Variants in DSE observed in about 807,000 individuals in gnomAD.
DSE encodes dermatan sulfate epimerase.
A neutral mutation model predicts 84.4 loss-of-function variants in DSE; 36 were observed. That is an observed-to-expected ratio of 0.43 (90% CI 0.33 to 0.56). The LOEUF is 0.56. DSE is among the 20% of genes least tolerant of loss of function. DSE has a pLI of 0.06. For synonymous variants in DSE, 410 were observed against 430.1 expected, an observed-to-expected ratio of 0.95 and a Z score of 0.58; for missense variants, 862 against 1,169.6, an observed-to-expected ratio of 0.74 and a Z score of 3.84.
chr6:116,410,444 A>T (rs904903714), intron 2 of DSE, among the ~76,000 whole-genome samples: 2 of 152,118 alleles, frequency 1.3e-5, no homozygotes, highest in Admixed American at 6.6e-5. Flanking sequence ...CTTCAAAAAA[A>T]ATCTACAGGC....
chr6:116,281,619 C>T (rs1346328354), intron 2 of DSE, among the ~76,000 whole-genome samples: 1 of 152,206 alleles, frequency 6.6e-6, no homozygotes, highest in African/African-American at 2.4e-5. Flanking sequence ...AAAGCCTAAA[C>T]ATACCACAAA....
chr6:116,296,044 T>A (rs1356913059), intron 2 of DSE, among the ~76,000 whole-genome samples: 1 of 152,190 alleles, frequency 6.6e-6, no homozygotes, highest in East Asian at 1.9e-4. Context: ...CACTAAAATG[T>A]GCCTGGTGAC....
At chr6:116,348,772 A>G (rs1185745660) in intron 2 of DSE, among the ~76,000 whole-genome samples, 1 of 152,236 alleles carries the variant, frequency 6.6e-6, no homozygotes, top group East Asian at 1.9e-4. Flanking sequence ...TGGCACATAT[A>G]CACCATGGAA....
intron 2 of DSE, among the ~76,000 whole-genome samples, chr6:116,272,472 G>C (rs1772923032): frequency 6.6e-6 from 1 of 152,102 alleles, no homozygotes; most frequent in African/African-American, 2.4e-5. Context: ...CTCTTTTGTT[G>C]AATTCAGGTT....
intron 2 of DSE, chr6:116,401,272 G>T (rs1452516680): frequency 6.6e-6 from 1 of 152,068 alleles, no homozygotes; most frequent in Non-Finnish European, 1.5e-5. Flanking sequence ...TAACTTGAAA[G>T]AAATATTATA....
At chr6:116,374,217 T>G (rs1779784051) in intron 1 of DSE, among the ~76,000 whole-genome samples, 1 of 152,216 alleles carries the variant, frequency 6.6e-6, no homozygotes, top group Non-Finnish European at 1.5e-5. Flanking sequence ...TAGCATATAT[T>G]AAATATTACA....
rs377277772 is a variant in DSE, at chr6:116,342,964, A to G, written c.-53-56234A>G. Among the ~76,000 whole-genome samples, 11 of 152,246 alleles carry G rather than the reference A, an allele frequency of 7.2e-5. No individual in the cohort carries two copies. The South Asian group carries it at 1.0e-3, about 14-fold the overall frequency. ...TCCACCCTAATACTGCGCTTTTCCA[A>G]TGGTCTTAGCAAATGGCACTCCTGG... On this transcript the variant is annotated intron_variant, in intron 2 of 3. Coordinates refer to the DSE transcript ENST00000430252.
At chr6:116,270,474 T>C (rs1772831861) in intron 2 of DSE, among the ~76,000 whole-genome samples, 1 of 152,172 alleles carries the variant, frequency 6.6e-6, no homozygotes, top group Non-Finnish European at 1.5e-5. Flanking sequence ...TATACATTAT[T>C]TATTTACTAG....
At chr6:116,355,703 C>A (rs1170375463) in intron 2 of DSE, 1 of 152,130 alleles carries the variant, frequency 6.6e-6, no homozygotes, top group East Asian at 1.9e-4. Context: ...AGAATCAGTC[C>A]TAGGAAGATT....
intron 2 of DSE, among the ~76,000 whole-genome samples, chr6:116,303,107 T>C (rs1775136270): frequency 6.6e-6 from 1 of 152,218 alleles, no homozygotes; most frequent in Non-Finnish European, 1.5e-5. Context: ...GTTACATCTT[T>C]CTTTTCTGCC....
intron 2 of DSE, among the ~76,000 whole-genome samples, chr6:116,314,663 GT>G (rs1420032356): frequency 6.6e-6 from 1 of 152,078 alleles, no homozygotes; most frequent in Non-Finnish European, 1.5e-5. Flanking sequence ...ATCAGATAGT[GT>G]TATTTTGAGG....
At chr6:116,275,484 T>G (rs966865073) in intron 2 of DSE, among the ~76,000 whole-genome samples, 7 of 152,230 alleles carry the variant, frequency 4.6e-5, no homozygotes, top group African/African-American at 1.7e-4. Flanking sequence ...TCAATATTTA[T>G]CTGCTGACAA....
upstream of DSE, among the ~76,000 whole-genome samples, chr6:116,368,166 C>T (rs997348969): frequency 2.0e-5 from 3 of 152,164 alleles, no homozygotes; most frequent in Non-Finnish European, 2.9e-5. Flanking sequence ...AATCCTTCAG[C>T]TAAGGTGAGA....
At chr6:116,281,090 TAAG>T (rs1223235028) in intron 2 of DSE, among the ~76,000 whole-genome samples, 2 of 151,920 alleles carry the variant, frequency 1.3e-5, no homozygotes, top group East Asian at 1.9e-4. Context: ...AAATTTCTTA[TAAG>T]AAGGAGGCAG....
intron 2 of DSE, among the ~76,000 whole-genome samples, chr6:116,303,898 G>T (rs529772310): frequency 6.6e-6 from 1 of 152,206 alleles, no homozygotes; most frequent in East Asian, 1.9e-4. Flanking sequence ...CACTTTGGGA[G>T]GCCAAGGTGG....
intron 2 of DSE, 195 bp downstream of exon 2, chr6:116,399,861 A>C: frequency 1.7e-6 from 1 of 575,818 alleles, no homozygotes; most frequent in South Asian, 2.5e-5. Context: ...CCATGTTTAA[A>C]GTTAGAAGGA....
chr6:116,290,528 G>A (rs1428135560), intron 2 of DSE, among the ~76,000 whole-genome samples: 1 of 152,012 alleles, frequency 6.6e-6, no homozygotes, highest in Non-Finnish European at 1.5e-5. Flanking sequence ...CTCAGACTTG[G>A]GGTTCAGAGA....
At chr6:116,353,441 G>T (rs1181347004) in intron 2 of DSE, among the ~76,000 whole-genome samples, 1 of 152,136 alleles carries the variant, frequency 6.6e-6, no homozygotes, top group Non-Finnish European at 1.5e-5. Flanking sequence ...CTTCATGAGT[G>T]CCTTCTTAAT....
intron 2 of DSE, among the ~76,000 whole-genome samples, chr6:116,313,772 A>G (rs1019421169): frequency 6.6e-6 from 1 of 152,200 alleles, no homozygotes; most frequent in African/African-American, 2.4e-5. Context: ...ATCGGTTCAT[A>G]TAAGAATAAA....
Sources: gnomAD v4.1 joint callset for allele counts (sites outside exome capture counted in the v4.1 genomes callset) on GRCh38, gnomAD v4.1.1 for gene constraint, MANE v1.5 for transcripts, NCBI Gene and HGNC (gene_info 2026-07-23, HGNC 2026-07-21) for gene names.